BHMT2: variants seen among roughly 807,000 people sequenced by gnomAD.
BHMT2 encodes betaine--homocysteine S-methyltransferase 2, also known as S-methylmethionine--homocysteine S-methyltransferase BHMT2.
A neutral mutation model predicts 39.0 loss-of-function variants in BHMT2; 28 were observed. That is an observed-to-expected ratio of 0.72 (90% CI 0.53 to 0.98). BHMT2 has a LOEUF of 0.98. Among genes scored for constraint, BHMT2 ranks in the 50% least tolerant of loss-of-function variants. BHMT2 has a pLI of 0.00. For missense variants in BHMT2, 410 were observed against 455.6 expected (o/e 0.90, Z 0.91); for synonymous variants, 145 against 160.6 (o/e 0.90, Z 0.74).
At position 79,080,772 on chromosome 5, in the gene BHMT2, A is replaced by G. The variant is rs749393315; in HGVS notation, c.344A>G (p.Gln115Arg). Residue 115 changes from glutamine (Q) to arginine (R), a missense_variant, in exon 4 of 8, where the codon CAG becomes CGG. Transcript: ENST00000255192. ...GCTTTGGTAGCAGGGGGGATCTGCC[A>G]GACATCAATATACAAATACCAGAAG... The part of the protein sequence containing the change: ...GDALVAGGIC[Q>R]TSIYKYQKDE... The G allele has an allele frequency of 1.2e-6, 2 of 1,606,164 alleles. No homozygotes were observed. The highest frequency in any genetic ancestry group is 1.7e-5 in the Admixed American group (1 of 58,212).
chr5:79,088,364 G>C (rs1755946729), intron 7 of BHMT2, 129 bp from the exon 8 acceptor site: 2 of 487,280 alleles, frequency 4.1e-6, no homozygotes, highest in African/African-American at 2.3e-5. Context: ...TTGACTGTGT[G>C]TGTGTGTGTG....
Position 79,069,802 on chromosome 5 carries a change from C to T in BHMT2, c.20C>T (p.Pro7Leu), listed in dbSNP as rs750536578. Residue 7 changes from proline (P) to leucine (L), a missense_variant, in exon 1 of 8, where the codon CCG becomes CTG. Coordinates refer to ENST00000255192, the MANE Select transcript of BHMT2 (RefSeq NM_017614.5). Reference sequence around the variant, plus strand: ...GGCACCATGGCACCTGCTGGACGCCCGGGGGCCAAGAAGGTGAGTTTCGTC... The same window carrying T: ...GGCACCATGGCACCTGCTGGACGCCTGGGGGCCAAGAAGGTGAGTTTCGTC... MAPAGR[P>L]GAKKGILERL... 7.0e-7 allele frequency: 1 copy of T among 1,436,954 alleles called. No individual in the cohort carries two copies. The highest frequency in any genetic ancestry group is 1.5e-5 in the South Asian group (1 of 68,088). 89.0% of individuals were successfully genotyped at this position (1,436,954 alleles called of 1,614,324 possible). A position where few individuals can be genotyped will look rare whatever the true frequency, so the allele number is the denominator to read the frequency against.
Position 79,079,425 on chromosome 5 carries a change from A to T in BHMT2, c.223A>T (p.Thr75Ser), listed in dbSNP as rs1755741076. 4 of 1,614,022 alleles carry T rather than the reference A, an allele frequency of 2.5e-6. No homozygotes were observed. Among genetic ancestry groups the T allele is most frequent in the African/African-American group, 2.7e-5 (2 of 75,046 alleles). The change falls in exon 3 of 8, where the codon ACC becomes TCC. Residue 75 changes from threonine to serine, a missense_variant. Physicochemically the swap from Thr to Ser is moderately conservative, Grantham distance 58 (BLOSUM62 1). Transcript: ENST00000255192. ...RAGSNVMQTF[T>S]FSASEDNMES... Reference sequence around the variant, plus strand: ...AGGATCAAATGTCATGCAGACTTTTACCTTTTCTGCCAGTGAGGACAATAT... The same window carrying T: ...AGGATCAAATGTCATGCAGACTTTTTCCTTTTCTGCCAGTGAGGACAATAT...
intron 1 of BHMT2, among the ~76,000 whole-genome samples, chr5:79,076,430 T>G (rs1755674145): frequency 6.6e-6 from 1 of 151,744 alleles, no homozygotes; most frequent in African/African-American, 2.4e-5. Flanking sequence ...AAAACAGGAG[T>G]GCCTATCCTC....
chr5:79,077,925 A>G (rs915537242), intron 2 of BHMT2: 1 of 205,818 alleles, frequency 4.9e-6, no homozygotes, highest in Non-Finnish European at 9.8e-6. Context: ...ACACCCACAT[A>G]CACCACAAAC....
chr5:79,079,078 TAGACCAAG>T (rs1561240580), intron 2 of BHMT2, among the ~76,000 whole-genome samples: 1 of 152,252 alleles, frequency 6.6e-6, no homozygotes, highest in East Asian at 1.9e-4. Flanking sequence ...TAAACCTCTC[TAGACCAAG>T]AGACCAAGGG....
chr5:79,083,690 C>G lies in BHMT2; in HGVS notation c.844C>G (p.Leu282Val). 1 of 1,614,064 alleles carries G rather than the reference C, an allele frequency of 6.2e-7. No homozygotes were observed. The highest frequency in any genetic ancestry group is 8.5e-7 in the Non-Finnish European group (1 of 1,180,014). Residue 282 changes from leucine (L) to valine (V), a missense_variant, in exon 7 of 8, where the codon CTG becomes GTG. Coordinates refer to ENST00000255192, the MANE Select transcript of BHMT2 (RefSeq NM_017614.5). ...IQKYAREAYN[L>V]GVRYIGGCCG... ...AAAATACGCCAGAGAGGCCTACAAC[C>G]TGGGGGTCAGGTACATTGGCGGGTG...
chr5:79,083,467 C>G (rs2112702592), intron 6 of BHMT2, 93 bp downstream of exon 6: 1 of 1,481,870 alleles, frequency 6.7e-7, no homozygotes. Flanking sequence ...CAATAAGAGA[C>G]TGCATATGAC....
rs1004880658 is a variant in BHMT2 at position 79,083,382 on chromosome 5, C to T, written c.781+8C>T. ...TCCCAGAATATCCCTTTGGTAAGCTCAGGTGCATAGTAGAGGTCCTTGTAT... is the reference window on the plus strand; with the variant it reads ...TCCCAGAATATCCCTTTGGTAAGCTTAGGTGCATAGTAGAGGTCCTTGTAT... On this transcript the variant is annotated splice_region_variant and intron_variant, in intron 6 of 7. Coordinates refer to ENST00000255192, the MANE Select transcript of BHMT2 (RefSeq NM_017614.5). 13 of 1,584,626 alleles carry T rather than the reference C, an allele frequency of 8.2e-6. No individual in the cohort carries two copies. The highest frequency in any genetic ancestry group is 1.1e-5 in the Non-Finnish European group (13 of 1,166,438).
intron 1 of BHMT2, among the ~76,000 whole-genome samples, chr5:79,073,265 A>G (rs534702648): frequency 3.9e-5 from 6 of 152,168 alleles, no homozygotes; most frequent in Non-Finnish European, 7.4e-5. Context: ...CGCCTGGCCT[A>G]AATTTGATTC....
chr5:79,083,337 C>T lies in BHMT2; in HGVS notation c.744C>T (p.Gly248=). The T allele has an allele frequency of 6.2e-7, 1 of 1,608,172 alleles. No individual in the cohort carries two copies. Among genetic ancestry groups the T allele is most frequent in the Non-Finnish European group, 8.5e-7 (1 of 1,176,242 alleles). The change falls in exon 6 of 8, where the codon GGC becomes GGT. Residue 248 remains glycine, a synonymous_variant. Transcript: ENST00000255192. Reference sequence around the variant, plus strand: ...TGGGGTTCCACGCGCCTGACTGTGGCAAAGAGGGGTTTGTGGATCTCCCAG... The same window carrying T: ...TGGGGTTCCACGCGCCTGACTGTGGTAAAGAGGGGTTTGTGGATCTCCCAG... ...QPLGFHAPDC[G]KEGFVDLPEY...
intron 1 of BHMT2, among the ~76,000 whole-genome samples, chr5:79,072,234 T>G (rs1249517774): frequency 6.6e-6 from 1 of 150,884 alleles, no homozygotes; most frequent in Non-Finnish European, 1.5e-5. Flanking sequence ...GCTACTGCAC[T>G]CCAGCCTGGG....
intron 1 of BHMT2, among the ~76,000 whole-genome samples, chr5:79,073,915 G>A (rs937661234): frequency 6.6e-6 from 1 of 152,134 alleles, no homozygotes; most frequent in Non-Finnish European, 1.5e-5. Flanking sequence ...GCTAGGATCT[G>A]GATAAGAACT....
At chr5:79,083,102 G>T in intron 5 of BHMT2, 90 bp from the exon 6 acceptor site, 9 of 1,578,084 alleles carry the variant, frequency 5.7e-6, no homozygotes, top group Non-Finnish European at 7.8e-6. Context: ...AGGTGGAGGG[G>T]AATGGCTAAC....
chr5:79,079,435 C>T lies in BHMT2; in HGVS notation c.233C>T (p.Ala78Val), dbSNP rs369043218. The change falls in exon 3 of 8, where the codon GCC (alanine) becomes GTC (valine). Residue 78 changes from alanine to valine, a missense_variant. Transcript: ENST00000255192. ...SNVMQTFTFS[A>V]SEDNMESKWE... ...GTCATGCAGACTTTTACCTTTTCTG[C>T]CAGTGAGGACAATATGGAAAGCAAG... 37 of 1,613,582 alleles carry T rather than the reference C, an allele frequency of 2.3e-5. 1 individual carries two copies. In the African/African-American group the frequency reaches 4.1e-4, roughly 18 times the overall value.
intron 7 of BHMT2, among the ~76,000 whole-genome samples, chr5:79,085,778 C>T (rs1721741365): frequency 1.3e-5 from 2 of 152,168 alleles, no homozygotes; most frequent in Admixed American, 1.3e-4. Context: ...AAACTTGAAG[C>T]TTCTCCCTTT....
chr5:79,073,710 C>G (rs1755622304), intron 1 of BHMT2, among the ~76,000 whole-genome samples: 1 of 152,132 alleles, frequency 6.6e-6, no homozygotes, highest in East Asian at 1.9e-4. Flanking sequence ...GAGTTGAGAG[C>G]TCTCTCTGCC....
rs746838767 is a variant in BHMT2 at position 79,088,498 on chromosome 5, G to A, written c.1016G>A (p.Arg339Gln). 11 of 1,612,984 alleles carry A rather than the reference G, an allele frequency of 6.8e-6. No homozygotes were observed. The highest frequency in any genetic ancestry group is 6.7e-5 in the Admixed American group (4 of 59,928). ...ATGTATATATTGAAACACAGGGCTC[G>A]AAGGGAGTATTGGGAGAATCTGCTG... Reference protein sequence around the residue: ...HTKPWIRARARREYWENLLPA... With the variant: ...HTKPWIRARAQREYWENLLPA... Residue 339 changes from arginine to glutamine, a missense_variant, in exon 8 of 8, where the codon CGA (arginine) becomes CAA (glutamine). Coordinates refer to ENST00000255192, the MANE Select transcript of BHMT2 (RefSeq NM_017614.5).
chr5:79,087,008 G>GTATATATA (rs1346154516), intron 7 of BHMT2, among the ~76,000 whole-genome samples: 2 of 105,206 alleles, frequency 1.9e-5, no homozygotes, highest in African/African-American at 8.7e-5. Flanking sequence ...ATGTGTGTGT[G>GTATATATA]TGTGTGTATA....
Sources: allele counts gnomAD v4.1 joint callset (sites outside exome capture counted in the v4.1 genomes callset), GRCh38; gene constraint gnomAD v4.1.1; transcripts MANE v1.5; gene names NCBI Gene and HGNC (gene_info 2026-07-23, HGNC 2026-07-21).